Variants in RAB3C observed in about 807,000 individuals in gnomAD.
The protein encoded by RAB3C is ras-related protein Rab-3C.
A neutral mutation model predicts 26.4 loss-of-function variants in RAB3C; 17 were observed. The observed-to-expected ratio is 0.64, with a 90% CI of 0.44 to 0.97. The LOEUF is 0.97. RAB3C is among the 50% of genes least tolerant of loss of function. RAB3C has a pLI of 0.00. For missense variants in RAB3C, 242 were observed against 281.9 expected (o/e 0.86, Z 1.01); for synonymous variants, 91 against 95.9 (o/e 0.95, Z 0.30).
At chr5:58,803,994 A>G (rs1248474141) in intron 3 of RAB3C, among the ~76,000 whole-genome samples, 2 of 151,460 alleles carry the variant, frequency 1.3e-5, no homozygotes, top group African/African-American at 4.9e-5. Flanking sequence ...TGGGAGGCGG[A>G]GGTTGCAGTG....
At chr5:58,837,399 C>T (rs1743772942) in intron 4 of RAB3C, among the ~76,000 whole-genome samples, 1 of 152,038 alleles carries the variant, frequency 6.6e-6, no homozygotes, top group Non-Finnish European at 1.5e-5. Flanking sequence ...CCAGGCTGGT[C>T]TCGAACTCCT....
intron 2 of RAB3C, among the ~76,000 whole-genome samples, chr5:58,655,597 A>AT (rs967844843): frequency 1.3e-5 from 2 of 152,064 alleles, no homozygotes; most frequent in African/African-American, 2.4e-5. Context: ...AATTAACAAA[A>AT]TTTTTTTTAA....
At chr5:58,701,644 T>C (rs1171677726) in intron 2 of RAB3C, among the ~76,000 whole-genome samples, 1 of 152,150 alleles carries the variant, frequency 6.6e-6, no homozygotes, top group Non-Finnish European at 1.5e-5. Context: ...TTCTGCAAAC[T>C]GTAGGGGAGA....
intron 3 of RAB3C, among the ~76,000 whole-genome samples, chr5:58,743,232 C>T (rs991087224): frequency 6.6e-6 from 1 of 152,120 alleles, no homozygotes; most frequent in Non-Finnish European, 1.5e-5. Context: ...ATGTACCTGG[C>T]ATCATGGGGT....
intron 2 of RAB3C, among the ~76,000 whole-genome samples, chr5:58,682,273 A>G (rs1561287814): frequency 6.6e-6 from 1 of 152,234 alleles, no homozygotes; most frequent in African/African-American, 2.4e-5. Flanking sequence ...TGAGAGTGGC[A>G]GTAAGGTCGA....
intron 3 of RAB3C, among the ~76,000 whole-genome samples, chr5:58,762,130 TATA>T (rs894726864): frequency 4.6e-5 from 7 of 152,110 alleles, no homozygotes; most frequent in African/African-American, 1.2e-4. Flanking sequence ...CATTTCAACA[TATA>T]ATCAATATAA....
chr5:58,660,578 C>A (rs1435068628), intron 2 of RAB3C, among the ~76,000 whole-genome samples: 1 of 150,202 alleles, frequency 6.7e-6, no homozygotes, highest in East Asian at 1.9e-4. Context: ...CCAATGGCAG[C>A]CCCATTTTAT....
chr5:58,595,980 C>G (rs1364680126), intron 1 of RAB3C, among the ~76,000 whole-genome samples: 1 of 152,018 alleles, frequency 6.6e-6, no homozygotes, highest in Non-Finnish European at 1.5e-5. Context: ...ATGTTTTAAA[C>G]TTACTTTTGT....
At chr5:58,701,730 T>C (rs918255989) in intron 2 of RAB3C, among the ~76,000 whole-genome samples, 1 of 152,208 alleles carries the variant, frequency 6.6e-6, no homozygotes, top group Non-Finnish European at 1.5e-5. Context: ...TCTACCTTCA[T>C]AGCCAACAAG....
At chr5:58,658,094 A>G (rs971464125) in intron 2 of RAB3C, among the ~76,000 whole-genome samples, 3 of 152,200 alleles carry the variant, frequency 2.0e-5, no homozygotes, top group Admixed American at 2.0e-4. Flanking sequence ...GGGAAGAATA[A>G]AACTGCTTCA....
chr5:58,750,292 A>C (rs1367054138), intron 3 of RAB3C, among the ~76,000 whole-genome samples: 1 of 152,252 alleles, frequency 6.6e-6, no homozygotes, highest in Non-Finnish European at 1.5e-5. Flanking sequence ...AGAGGTTTTA[A>C]AAATAAGACA....
At chr5:58,781,700 C>A (rs1030970464) in intron 3 of RAB3C, among the ~76,000 whole-genome samples, 1 of 151,968 alleles carries the variant, frequency 6.6e-6, no homozygotes, top group African/African-American at 2.4e-5. Context: ...AGGTTTAAAC[C>A]CTTAGCATGT....
At chr5:58,830,280 A>C (rs1301135038) in intron 4 of RAB3C, among the ~76,000 whole-genome samples, 1 of 152,200 alleles carries the variant, frequency 6.6e-6, no homozygotes, top group Non-Finnish European at 1.5e-5. Context: ...TAATGGAACC[A>C]ATTATCTCTG....
chr5:58,839,698 A>G (rs143265295), intron 4 of RAB3C, among the ~76,000 whole-genome samples: 168 of 151,910 alleles, frequency 1.1e-3, no homozygotes, highest in Middle Eastern at 6.8e-3. Flanking sequence ...TCCTTCATAT[A>G]TTGCCTCTAC....
chr5:58,702,521 C>T (rs980423492), intron 2 of RAB3C, among the ~76,000 whole-genome samples: 12 of 152,112 alleles, frequency 7.9e-5, no homozygotes, highest in Non-Finnish European at 1.6e-4. Flanking sequence ...GCCAGCCTCC[C>T]GTATTGTCTC....
At chr5:58,628,555 T>G (rs1747116281) in intron 2 of RAB3C, among the ~76,000 whole-genome samples, 1 of 152,184 alleles carries the variant, frequency 6.6e-6, no homozygotes, top group Non-Finnish European at 1.5e-5. Flanking sequence ...CACAGATGCC[T>G]TGGACCTCTC....
intron 3 of RAB3C, among the ~76,000 whole-genome samples, chr5:58,790,288 T>C (rs541462145): frequency 1.4e-3 from 207 of 152,356 alleles, no homozygotes; most frequent in African/African-American, 4.7e-3. Flanking sequence ...AAAATAGGCA[T>C]GCCTGACCAC....
intron 3 of RAB3C, among the ~76,000 whole-genome samples, chr5:58,735,387 G>A (rs1248544957): frequency 2.0e-5 from 3 of 152,188 alleles, no homozygotes; most frequent in African/African-American, 7.2e-5. Flanking sequence ...TTAGCAAGCA[G>A]GTGAATCTGC....
At chr5:58,673,911 C>A (rs1191048060) in intron 2 of RAB3C, among the ~76,000 whole-genome samples, 3 of 152,030 alleles carry the variant, frequency 2.0e-5, no homozygotes, top group Non-Finnish European at 4.4e-5. Context: ...CCAGCACATG[C>A]ACATAAGAAA....
Sources: gnomAD v4.1 joint callset for allele counts (sites outside exome capture counted in the v4.1 genomes callset) on GRCh38, gnomAD v4.1.1 for gene constraint, MANE v1.5 for transcripts, NCBI Gene and HGNC (gene_info 2026-07-23, HGNC 2026-07-21) for gene names.